The following RIN3 variants were observed in gnomAD, a reference collection of about 807,000 sequenced individuals.
RIN3 encodes the protein RAB5 interacting protein 3.
In RIN3, 54 loss-of-function variants were observed where a neutral mutation model predicts 76.3. The ratio of observed to expected loss-of-function variants is 0.71; its 90% CI spans 0.57 to 0.89. The LOEUF (loss-of-function observed/expected upper bound fraction) is 0.89. Among genes scored for constraint, RIN3 ranks in the 40% least tolerant of loss-of-function variants. The pLI, the probability that RIN3 is intolerant of heterozygous loss-of-function variation, is 0.00. For missense variants in RIN3, 1,256 were observed against 1,322.1 expected (o/e 0.95, Z 0.78); for synonymous variants, 576 against 564.0 (o/e 1.02, Z -0.30).
At chr14:92,649,887 C>G (rs981195691) in intron 5 of RIN3, among the ~76,000 whole-genome samples, 2 of 152,184 alleles carry the variant, frequency 1.3e-5, no homozygotes, top group Admixed American at 6.5e-5. Flanking sequence ...GGGGGTGCAC[C>G]TCAGAGGGGT....
At chr14:92,672,265 A>C (rs1888310488) in intron 7 of RIN3, among the ~76,000 whole-genome samples, 1 of 152,224 alleles carries the variant, frequency 6.6e-6, no homozygotes, top group South Asian at 2.1e-4. Context: ...TACAAAAATT[A>C]GCCAGGCGTG....
chr14:92,613,639 A>ATGTCACCTATGT (rs2140101470), intron 3 of RIN3, among the ~76,000 whole-genome samples: 1 of 152,252 alleles, frequency 6.6e-6, no homozygotes, highest in East Asian at 1.9e-4. Flanking sequence ...CCGCAAACTG[A>ATGTCACCTATGT]TGTCACCTAT....
chr14:92,513,816 G>C lies in RIN3; in HGVS notation c.-117G>C, dbSNP rs1896356727. Reference sequence around the variant, plus strand: ...GAGAGCCCCAGAGCGCGGCGGCAGCGGCGGCCTGGCCCTTCCAGAGGGCCA... The same window carrying C: ...GAGAGCCCCAGAGCGCGGCGGCAGCCGCGGCCTGGCCCTTCCAGAGGGCCA... On this transcript the variant is annotated 5_prime_UTR_variant, in exon 1 of 10. Coordinates refer to ENST00000216487, the MANE Select transcript of RIN3 (RefSeq NM_024832.5). 1.7e-6 allele frequency: 1 copy of C among 592,238 alleles called. No individual in the cohort carries two copies. Among genetic ancestry groups the C allele is most frequent in the South Asian group, 8.1e-5 (1 of 12,332 alleles). 36.7% of individuals were successfully genotyped at this position (592,238 alleles called of 1,614,324 possible). A position where few individuals can be genotyped will look rare whatever the true frequency, so the allele number is the denominator to read the frequency against.
At chr14:92,561,038 A>ATATATATATATATATATAT (rs1555383834) in intron 2 of RIN3, among the ~76,000 whole-genome samples, 4 of 14,618 alleles carry the variant, frequency 2.7e-4, no homozygotes, top group Non-Finnish European at 6.0e-4. Flanking sequence ...AAAAAAAAAA[A>ATATATATATATATATATAT]AAAAAAATAT....
chr14:92,687,579 G>T (rs2058823652), intron 9 of RIN3: 3 of 336,514 alleles, frequency 8.9e-6, no homozygotes, highest in African/African-American at 4.5e-5. Flanking sequence ...TGCGCCTGGG[G>T]TGCAGGGAAC....
At position 92,623,873 on chromosome 14, in the gene RIN3, G is replaced by A. The variant is rs1886263957; in HGVS notation, c.440+8394G>A. Among the ~76,000 whole-genome samples the A allele has an allele frequency of 6.6e-6, 1 of 152,258 alleles. No homozygotes were observed. The highest frequency in any genetic ancestry group is 1.5e-5 in the Non-Finnish European group (1 of 68,046). ...ACAGGAAGTAAACTTGGCATCTGGA[G>A]ATGGAGGCTGGATGGCCCTCGGGGG... On this transcript the variant is annotated intron_variant, in intron 4 of 9. Coordinates refer to ENST00000216487, the MANE Select transcript of RIN3 (RefSeq NM_024832.5). This position sits in a 1 kb window ranked among gnomAD's most constrained non-coding sequence, Gnocchi z 4.9.
chr14:92,525,022 G>A (rs1028738513), intron 1 of RIN3, among the ~76,000 whole-genome samples: 3 of 152,244 alleles, frequency 2.0e-5, no homozygotes, highest in Admixed American at 6.5e-5. Flanking sequence ...CTGCAGGGCC[G>A]CTGTACACCG....
chr14:92,672,949 G>A (rs974401500), intron 7 of RIN3, among the ~76,000 whole-genome samples: 13 of 151,974 alleles, frequency 8.6e-5, no homozygotes, highest in African/African-American at 3.1e-4. Context: ...GTCTTCCATG[G>A]CTGGCTTCTT....
At chr14:92,544,428 GGGT>G (rs1330822304) in intron 1 of RIN3, among the ~76,000 whole-genome samples, 6,309 of 94,074 alleles carry the variant, frequency 0.067, 12 homozygotes, top group Middle Eastern at 0.11. Context: ...GGGGGGGGGG[GGGT>G]GGGGGCGGGG....
chr14:92,561,153 A>ATATTTTTATATATATT (rs75500914), intron 2 of RIN3, among the ~76,000 whole-genome samples: 2 of 127,066 alleles, frequency 1.6e-5, no homozygotes, highest in Non-Finnish European at 3.3e-5. Context: ...ATTTTTATAT[A>ATATTTTTATATATATT]TATATTTATA....
At chr14:92,594,432 CA>C (rs35874661) in intron 3 of RIN3, among the ~76,000 whole-genome samples, 102,251 of 130,534 alleles carry the variant, frequency 0.78, 39,341 homozygotes, top group Non-Finnish European at 0.83. Flanking sequence ...AACTCTGTCT[CA>C]AAAAAAAAAA....
intron 2 of RIN3, among the ~76,000 whole-genome samples, chr14:92,565,568 G>A (rs1198645748): frequency 1.3e-5 from 2 of 152,204 alleles, no homozygotes; most frequent in African/African-American, 4.8e-5. Context: ...TGGGAAAGGG[G>A]TAGGCATTTC....
At chr14:92,606,135 G>A (rs1801512683) in intron 3 of RIN3, among the ~76,000 whole-genome samples, 1 of 127,076 alleles carries the variant, frequency 7.9e-6, no homozygotes. Context: ...GGGAACCCCA[G>A]AGCCAGTCTC....
rs1896379294 is a variant in RIN3, at chr14:92,514,412, C to A, written c.44+436C>A. On this transcript the variant is annotated intron_variant, in intron 1 of 9. Transcript: ENST00000216487. This position sits in a 1 kb window ranked among gnomAD's most constrained non-coding sequence, Gnocchi z 7.2. ...CTCTGCGAGTCGCAGCGCGCGCCCT[C>A]GGGTACTAGAGCCCCGCTGGGCGTG... is the stretch of plus-strand genomic sequence containing the variant. Among the ~76,000 whole-genome samples the A allele has an allele frequency of 6.6e-6, 1 of 152,228 alleles. No homozygotes were observed. The highest frequency in any genetic ancestry group is 1.5e-5 in the Non-Finnish European group (1 of 68,046).
Position 92,676,594 on chromosome 14 carries a change from C to A in RIN3, c.2455C>A (p.Gln819Lys). Residue 819 changes from glutamine to lysine, a missense_variant, in exon 8 of 10, where the codon CAG becomes AAG. Gln to Lys is a moderately conservative substitution (Grantham distance 53). Transcript: ENST00000216487. ...GATGGAGCTCATGGACCCCGCCCTG[C>A]AGCTGGGGGAGGGTGAGTCACCACC... ...YMMELMDPALQLGEGSYYLTT... is the reference protein window; with the variant it reads ...YMMELMDPALKLGEGSYYLTT... 1 of 1,613,552 alleles carries A rather than the reference C, an allele frequency of 6.2e-7. No individual in the cohort carries two copies. The highest frequency in any genetic ancestry group is 8.5e-7 in the Non-Finnish European group (1 of 1,179,790).
intron 2 of RIN3, among the ~76,000 whole-genome samples, chr14:92,574,529 T>C (rs1262754521): frequency 2.0e-5 from 3 of 152,206 alleles, no homozygotes; most frequent in African/African-American, 7.2e-5. Flanking sequence ...TTGTCTATGT[T>C]TGCCGCTTGA....
intron 7 of RIN3, among the ~76,000 whole-genome samples, chr14:92,660,653 T>C (rs1419266737): frequency 1.3e-5 from 2 of 152,208 alleles, no homozygotes; most frequent in African/African-American, 4.8e-5. Context: ...CTCTGATGCC[T>C]TTCATTGACT....
intron 5 of RIN3, among the ~76,000 whole-genome samples, chr14:92,650,374 C>G (rs1428753410): frequency 2.6e-5 from 4 of 152,206 alleles, no homozygotes; most frequent in African/African-American, 9.6e-5. Context: ...GGCCTATGAT[C>G]AGGGGTCGGC....
intron 9 of RIN3, chr14:92,686,777 G>A (rs1888872000): frequency 1.3e-5 from 2 of 153,016 alleles, no homozygotes; most frequent in African/African-American, 4.8e-5. Flanking sequence ...ATGCCTTGGG[G>A]GGTGGGCACC....
Sources: gnomAD v4.1 joint callset for allele counts (sites outside exome capture counted in the v4.1 genomes callset) on GRCh38, gnomAD v4.1.1 for gene constraint, Gnocchi (gnomAD v3.1) non-coding constraint, MANE v1.5 for transcripts, NCBI Gene and HGNC (gene_info 2026-07-23, HGNC 2026-07-21) for gene names.